The following DENND5A variants were observed in gnomAD, a reference collection of about 807,000 sequenced individuals.
The protein encoded by DENND5A is DENN domain containing 5A, also known as DENN domain-containing protein 5A.
Under a neutral mutation model 140.3 loss-of-function variants are expected in DENND5A, and 64 were observed. The observed-to-expected ratio is 0.46, with a 90% CI of 0.37 to 0.56. DENND5A has a LOEUF of 0.56. Ranked by LOEUF, DENND5A falls within the 20% of genes least tolerant of loss-of-function variation. The pLI is 0.00. For missense variants in DENND5A, 1,292 were observed against 1,593.8 expected, an observed-to-expected ratio of 0.81 and a Z score of 3.22; for synonymous variants, 605 against 607.7, an observed-to-expected ratio of 1.00 and a Z score of 0.07.
At chr11:9,260,795 A>G (rs1173066198) in intron 1 of DENND5A, among the ~76,000 whole-genome samples, 3 of 152,212 alleles carry the variant, frequency 2.0e-5, no homozygotes, top group Non-Finnish European at 4.4e-5. Flanking sequence ...ACCTCAGTCT[A>G]TATTAAACAC....
intron 4 of DENND5A, among the ~76,000 whole-genome samples, chr11:9,202,832 A>C (rs1785535612): frequency 5.3e-5 from 8 of 152,222 alleles, no homozygotes; most frequent in Admixed American, 5.2e-4. Flanking sequence ...AGATATTAAC[A>C]GGTCACTCAG....
At chr11:9,175,409 T>C (rs1167969343) in intron 8 of DENND5A, 1 of 152,172 alleles carries the variant, frequency 6.6e-6, no homozygotes, top group Non-Finnish European at 1.5e-5. Flanking sequence ...TCGGTACTGT[T>C]AGGATGTCAA....
At chr11:9,157,013 G>A (rs1482744925) in intron 12 of DENND5A, among the ~76,000 whole-genome samples, 2 of 151,976 alleles carry the variant, frequency 1.3e-5, no homozygotes, top group Admixed American at 6.6e-5. Context: ...ATAATGATAC[G>A]ATACTATTTT....
chr11:9,144,858 A>G (rs898749113), intron 18 of DENND5A, 137 bp downstream of exon 18: 5 of 684,910 alleles, frequency 7.3e-6, no homozygotes, highest in Non-Finnish European at 1.1e-5. Context: ...CAAGTGTATG[A>G]GGCAGAGCCA....
chr11:9,207,110 T>C (rs1849716487), intron 2 of DENND5A: 4 of 429,948 alleles, frequency 9.3e-6, no homozygotes, highest in Admixed American at 4.1e-5. Context: ...CTTTTTTTTT[T>C]CCCTGAAAGC....
chr11:9,245,688 C>T (rs1019888400), intron 1 of DENND5A, among the ~76,000 whole-genome samples: 6 of 152,006 alleles, frequency 3.9e-5, no homozygotes, highest in African/African-American at 1.4e-4. Flanking sequence ...GGCTGGAGTG[C>T]AGTGGCACGA....
At chr11:9,159,327 T>TC (rs1393104148) in intron 12 of DENND5A, among the ~76,000 whole-genome samples, 1 of 151,378 alleles carries the variant, frequency 6.6e-6, no homozygotes, top group Non-Finnish European at 1.5e-5. Flanking sequence ...TTTTCTTTTT[T>TC]TTTTTTTTTT....
intron 1 of DENND5A, among the ~76,000 whole-genome samples, chr11:9,232,237 GTACAT>G (rs1435118501): frequency 2.6e-5 from 4 of 151,864 alleles, no homozygotes; most frequent in Admixed American, 6.6e-5. Flanking sequence ...CGTATAAATT[GTACAT>G]TACAATTTAA....
At chr11:9,169,495 G>GCACACACACACACACA (rs59297086) in intron 10 of DENND5A, among the ~76,000 whole-genome samples, 14 of 145,804 alleles carry the variant, frequency 9.6e-5, no homozygotes, top group African/African-American at 2.3e-4. Context: ...ATATACACAC[G>GCACACACACACACACA]CACACACACA....
At chr11:9,158,436 G>A (rs568588703) in intron 12 of DENND5A, among the ~76,000 whole-genome samples, 1 of 152,100 alleles carries the variant, frequency 6.6e-6, no homozygotes, top group Middle Eastern at 3.4e-3. Flanking sequence ...CAGTCTCCAA[G>A]AGTCTCCAAG....
At chr11:9,198,850 C>G (rs1849425414) in intron 4 of DENND5A, among the ~76,000 whole-genome samples, 1 of 145,830 alleles carries the variant, frequency 6.9e-6, no homozygotes, top group Admixed American at 6.9e-5. Context: ...GCTGGTGGAT[C>G]ACCTGAGATC....
intron 4 of DENND5A, among the ~76,000 whole-genome samples, chr11:9,201,067 T>C (rs1002427196): frequency 6.6e-6 from 1 of 152,114 alleles, no homozygotes; most frequent in Non-Finnish European, 1.5e-5. Flanking sequence ...AATAAAAATC[T>C]ATGAATCCAT....
chr11:9,255,980 C>T (rs1463828781), intron 1 of DENND5A, among the ~76,000 whole-genome samples: 3 of 149,542 alleles, frequency 2.0e-5, no homozygotes, highest in Non-Finnish European at 3.0e-5. Flanking sequence ...AAGCCAAGAT[C>T]GCGCCATTGC....
chr11:9,184,463 TAGG>T (rs1378378398), intron 5 of DENND5A, among the ~76,000 whole-genome samples: 1 of 152,246 alleles, frequency 6.6e-6, no homozygotes, highest in Non-Finnish European at 1.5e-5. Context: ...GGGTATATCC[TAGG>T]AGTAGAACCA....
chr11:9,181,146 A>T, intron 5 of DENND5A, 62 bp from the exon 6 acceptor site: 1 of 1,493,400 alleles, frequency 6.7e-7, no homozygotes, highest in East Asian at 2.3e-5. Context: ...AAGAAGTTTT[A>T]GAAAGGTTAG....
intron 12 of DENND5A, among the ~76,000 whole-genome samples, chr11:9,160,418 A>G (rs1238971672): frequency 6.6e-6 from 1 of 152,206 alleles, no homozygotes; most frequent in Non-Finnish European, 1.5e-5. Flanking sequence ...TTTCTGGTCT[A>G]TCTCTAGACT....
intron 20 of DENND5A, chr11:9,143,097 G>A (rs1847300914): frequency 3.4e-6 from 2 of 592,250 alleles, no homozygotes; most frequent in South Asian, 4.4e-5. Context: ...GGAGGACAAA[G>A]CCAGTGTGGC....
At chr11:9,243,087 C>CA (rs539119487) in intron 1 of DENND5A, among the ~76,000 whole-genome samples, 2,252 of 66,550 alleles carry the variant, frequency 0.034, 235 homozygotes, top group African/African-American at 0.075. Context: ...GACTCTGTCT[C>CA]AAAAAAAAAA....
chr11:9,143,350 T>G, intron 20 of DENND5A, 53 bp downstream of exon 20: 2 of 1,489,226 alleles, frequency 1.3e-6, no homozygotes, highest in Non-Finnish European at 1.9e-6. Context: ...AAAAACAAAA[T>G]TATTCTCTCT....
Sources: gnomAD v4.1 joint callset for allele counts (sites outside exome capture counted in the v4.1 genomes callset) on GRCh38, gnomAD v4.1.1 for gene constraint, MANE v1.5 for transcripts, NCBI Gene and HGNC (gene_info 2026-07-23, HGNC 2026-07-21) for gene names.